The following SLIT2 variants were observed in gnomAD, a reference collection of about 807,000 sequenced individuals.
The protein encoded by SLIT2 is slit guidance ligand 2.
In SLIT2, 41 loss-of-function variants were observed where a neutral mutation model predicts 185.7. The ratio of observed to expected loss-of-function variants is 0.22; its 90% CI spans 0.17 to 0.29. SLIT2 has a LOEUF of 0.29. Ranked by LOEUF, SLIT2 falls within the 10% of genes least tolerant of loss-of-function variation. The pLI is 1.00. For missense variants in SLIT2, 1,571 were observed against 1,909.0 expected (o/e 0.82, Z 3.30); for synonymous variants, 693 against 680.2 (o/e 1.02, Z -0.29).
intron 4 of SLIT2, among the ~76,000 whole-genome samples, chr4:20,280,604 G>A (rs1714654841): frequency 6.6e-6 from 1 of 152,042 alleles, no homozygotes; most frequent in Non-Finnish European, 1.5e-5. Flanking sequence ...AAAGGAAGGA[G>A]ATCAAAATAC....
chr4:20,320,001 T>C (rs1718924840), intron 4 of SLIT2, among the ~76,000 whole-genome samples: 1 of 152,116 alleles, frequency 6.6e-6, no homozygotes, highest in Non-Finnish European at 1.5e-5. Context: ...TCCTCATCAG[T>C]GATCAAAGGA....
intron 4 of SLIT2, among the ~76,000 whole-genome samples, chr4:20,395,231 G>A (rs920337810): frequency 6.6e-6 from 1 of 151,948 alleles, no homozygotes; most frequent in Non-Finnish European, 1.5e-5. Flanking sequence ...ATCCTGGGCC[G>A]AGATGTGAAG....
At chr4:20,520,685 T>G (rs1035324566) in intron 12 of SLIT2, among the ~76,000 whole-genome samples, 5 of 152,100 alleles carry the variant, frequency 3.3e-5, no homozygotes, top group African/African-American at 1.2e-4. Flanking sequence ...GTATTTTACA[T>G]TACACCTTAG....
chr4:20,462,429 CT>C (rs1414802496), intron 4 of SLIT2, among the ~76,000 whole-genome samples: 4 of 152,186 alleles, frequency 2.6e-5, no homozygotes, highest in African/African-American at 9.7e-5. Context: ...GCATGCTCCT[CT>C]TTTCCAAACA....
At chr4:20,278,263 C>T (rs148653948) in intron 4 of SLIT2, among the ~76,000 whole-genome samples, 78 of 151,692 alleles carry the variant, frequency 5.1e-4, no homozygotes, top group African/African-American at 1.8e-3. Context: ...ATTCAAATGC[C>T]TCAGGATAAA....
intron 26 of SLIT2, among the ~76,000 whole-genome samples, chr4:20,562,792 C>G (rs1357897418): frequency 6.6e-6 from 1 of 151,558 alleles, no homozygotes; most frequent in African/African-American, 2.4e-5. Flanking sequence ...TTAATTATAC[C>G]CAACATCAAA....
At chr4:20,540,480 C>T (rs17613956) in intron 19 of SLIT2, among the ~76,000 whole-genome samples, 9,728 of 151,670 alleles carry the variant, frequency 0.064, 464 homozygotes, top group Non-Finnish European at 0.099. Context: ...GGCCTATAGA[C>T]AGAATTCAAG....
At chr4:20,364,065 C>T (rs1722934738) in intron 4 of SLIT2, among the ~76,000 whole-genome samples, 1 of 152,060 alleles carries the variant, frequency 6.6e-6, no homozygotes, top group African/African-American at 2.4e-5. Flanking sequence ...ATTGATTTTT[C>T]TACTTGAAAG....
chr4:20,368,368 A>G (rs1723308545), intron 4 of SLIT2, among the ~76,000 whole-genome samples: 1 of 151,790 alleles, frequency 6.6e-6, no homozygotes, highest in Non-Finnish European at 1.5e-5. Context: ...ACAGAAAACA[A>G]AACAAAACAA....
At chr4:20,464,442 C>A (rs1199445322) in intron 4 of SLIT2, among the ~76,000 whole-genome samples, 1 of 152,102 alleles carries the variant, frequency 6.6e-6, no homozygotes, top group Non-Finnish European at 1.5e-5. Flanking sequence ...CCAATCAAGC[C>A]ATTTTCTTCC....
Position 20,491,740 on chromosome 4 carries a change from T to C in SLIT2, c.776-21T>C, listed in dbSNP as rs751885605. 1.9e-6 allele frequency: 3 copies of C among 1,602,868 alleles called. No homozygotes were observed. In the South Asian group the frequency reaches 3.4e-5, roughly 18 times the overall value. The stretch of plus-strand genomic sequence containing the variant: ...TGATATTCAGGAGGAAAAATATAAT[T>C]CCTGTTTATTTCTTTTTTAGGTCAC... On this transcript the variant is annotated intron_variant, in intron 8 of 36. Coordinates refer to ENST00000504154, the MANE Select transcript of SLIT2 (RefSeq NM_004787.4).
intron 4 of SLIT2, among the ~76,000 whole-genome samples, chr4:20,411,700 C>T (rs1727271165): frequency 6.6e-6 from 1 of 152,160 alleles, no homozygotes; most frequent in Admixed American, 6.5e-5. Flanking sequence ...ATGATCTTTA[C>T]ACTACATTAG....
At chr4:20,456,370 C>CT (rs1468213954) in intron 4 of SLIT2, among the ~76,000 whole-genome samples, 2 of 152,070 alleles carry the variant, frequency 1.3e-5, no homozygotes, top group Non-Finnish European at 2.9e-5. Context: ...TTGTGGTCTC[C>CT]TTTTTAGAAA....
At chr4:20,492,939 A>G (rs1183025564) in intron 9 of SLIT2, among the ~76,000 whole-genome samples, 1 of 152,214 alleles carries the variant, frequency 6.6e-6, no homozygotes, top group Non-Finnish European at 1.5e-5. Flanking sequence ...AGTATAAGAC[A>G]TGAACCTCTG....
chr4:20,349,893 A>G (rs1721724132), intron 4 of SLIT2, among the ~76,000 whole-genome samples: 2 of 152,224 alleles, frequency 1.3e-5, no homozygotes, highest in Admixed American at 1.3e-4. Flanking sequence ...AGAGAAGAAT[A>G]ACATATGTCT....
chr4:20,429,417 A>G (rs1364173466), intron 4 of SLIT2, among the ~76,000 whole-genome samples: 2 of 152,204 alleles, frequency 1.3e-5, no homozygotes, highest in Admixed American at 6.5e-5. Flanking sequence ...GCAAATATTT[A>G]TGGAAGACCC....
In SLIT2 at chr4:20,518,665, C is replaced by T. The variant is rs1426767683; in HGVS notation, c.1059-717C>T. Among the ~76,000 whole-genome samples the T allele has an allele frequency of 1.2e-4, 12 of 98,988 alleles. No homozygotes were observed. The East Asian group carries it at 1.7e-3, about 14-fold the overall frequency. The allele number at this position is 98,988 out of a possible 152,430, so 64.9% of individuals were successfully genotyped here. ...TGTCGCCCAGGCTGGAGTGCAGTGG[C>T]GCGATCTCGGCTCACTGCAAGCTCC... On this transcript the variant is annotated intron_variant, in intron 11 of 36. Coordinates refer to ENST00000504154, the MANE Select transcript of SLIT2 (RefSeq NM_004787.4).
intron 4 of SLIT2, among the ~76,000 whole-genome samples, chr4:20,277,080 G>A (rs1714241782): frequency 1.3e-5 from 2 of 152,110 alleles, no homozygotes; most frequent in African/African-American, 4.8e-5. Context: ...AGTGTTGTGG[G>A]AACTTGGTTC....
chr4:20,366,985 G>C (rs2109307323), intron 4 of SLIT2, among the ~76,000 whole-genome samples: 1 of 152,038 alleles, frequency 6.6e-6, no homozygotes, highest in East Asian at 1.9e-4. Context: ...TTTTTACAGA[G>C]ACAGTGTCTT....
Sources: gnomAD v4.1 joint callset for allele counts (sites outside exome capture counted in the v4.1 genomes callset) on GRCh38, gnomAD v4.1.1 for gene constraint, MANE v1.5 for transcripts, NCBI Gene and HGNC (gene_info 2026-07-23, HGNC 2026-07-21) for gene names.